Variants in NDFIP1 observed in about 807,000 individuals in gnomAD.
NDFIP1 encodes the protein Nedd4 family interacting protein 1.
Under a neutral mutation model 28.8 loss-of-function variants are expected in NDFIP1, and 7 were observed. The ratio of observed to expected loss-of-function variants is 0.24; its 90% confidence interval spans 0.14 to 0.46. The LOEUF (loss-of-function observed/expected upper bound fraction) is 0.46. Among genes scored for constraint, NDFIP1 ranks in the 20% least tolerant of loss-of-function variants. The pLI is 0.99. For missense variants in NDFIP1, 194 were observed against 269.1 expected, an observed-to-expected ratio of 0.72 and a Z score of 1.95; for synonymous variants, 92 against 101.0, an observed-to-expected ratio of 0.91 and a Z score of 0.53.
chr5:142,142,934 AAAAAAAAT>A lies in NDFIP1; in HGVS notation c.563-1635_563-1628del, dbSNP rs1409829582. On this transcript the variant is annotated intron_variant, in intron 6 of 7. Transcript: ENST00000253814. ...TTCCATCTCAAAAAAAAAAAAAAAA[AAAAAAAAT>A]ATATATATATATATATATATATATA... The A allele has an allele frequency of 4.6e-3, 310 of 68,122 alleles. 1 individual carries two copies. Among genetic ancestry groups the A allele is most frequent in the Middle Eastern group, 0.022 (3 of 136 alleles). The allele number at this position is 68,122 out of a possible 1,614,324, so 4.2% of individuals were successfully genotyped here.
At chr5:142,120,137 G>A (rs979752808) in intron 1 of NDFIP1, among the ~76,000 whole-genome samples, 5 of 152,090 alleles carry the variant, frequency 3.3e-5, no homozygotes, top group Non-Finnish European at 4.4e-5. Context: ...TGTATTTTTA[G>A]TAGAGACGGG....
chr5:142,138,590 A>T (rs541789110), intron 5 of NDFIP1, among the ~76,000 whole-genome samples: 3 of 152,170 alleles, frequency 2.0e-5, no homozygotes, highest in African/African-American at 7.2e-5. Flanking sequence ...TAGTTTTTCT[A>T]CGTAGTGCCA....
chr5:142,126,397 A>C (rs1327534825), intron 1 of NDFIP1, among the ~76,000 whole-genome samples: 1 of 152,224 alleles, frequency 6.6e-6, no homozygotes, highest in Non-Finnish European at 1.5e-5. Context: ...TAACTTAAAG[A>C]AGGGACTTGA....
chr5:142,129,161 C>A (rs1037859137), intron 1 of NDFIP1, among the ~76,000 whole-genome samples: 2 of 152,174 alleles, frequency 1.3e-5, no homozygotes, highest in African/African-American at 4.8e-5. Flanking sequence ...GGAACATATT[C>A]GAAAAGTCTG....
At chr5:142,121,654 G>A (rs1487919908) in intron 1 of NDFIP1, among the ~76,000 whole-genome samples, 1 of 152,048 alleles carries the variant, frequency 6.6e-6, no homozygotes, top group African/African-American at 2.4e-5. Context: ...GTACTGATGG[G>A]GATACCATAC....
At chr5:142,138,824 C>T (rs1373373544) in intron 5 of NDFIP1, among the ~76,000 whole-genome samples, 4 of 151,376 alleles carry the variant, frequency 2.6e-5, no homozygotes, top group Non-Finnish European at 5.9e-5. Flanking sequence ...TTTCGAACTA[C>T]ATTAAACTCT....
chr5:142,113,668 C>T (rs1025282264), intron 1 of NDFIP1, among the ~76,000 whole-genome samples: 7 of 152,164 alleles, frequency 4.6e-5, no homozygotes, highest in African/African-American at 1.2e-4. Flanking sequence ...AGAACTTTGT[C>T]ACCTTGCAGA....
chr5:142,140,598 G>A lies in NDFIP1; in HGVS notation c.531G>A (p.Gln177=). The part of the protein sequence containing the change: ...STYFPGYFDG[Q]YWLWWVFLVL... ...ATTTCCCTGGATATTTTGATGGTCA[G>A]TACTGGCTCTGGTGGGTGTTCCTTG... The change falls in exon 6 of 8, where the codon CAG becomes CAA. Residue 177 remains glutamine, a synonymous_variant. Coordinates refer to ENST00000253814, the MANE Select transcript of NDFIP1 (RefSeq NM_030571.4). The A allele has an allele frequency of 1.2e-6, 2 of 1,613,208 alleles. No individual in the cohort carries two copies. Among genetic ancestry groups the A allele is most frequent in the East Asian group, 2.2e-5 (1 of 44,830 alleles).
In NDFIP1 at chr5:142,139,394, G is replaced by T. The variant is rs114157777; in HGVS notation, c.496-1169G>T. On this transcript the variant is annotated intron_variant, in intron 5 of 7. Coordinates refer to ENST00000253814, the MANE Select transcript of NDFIP1 (RefSeq NM_030571.4). ...CCTGACAAGGTTAGTTAAGTCAGTG[G>T]TTCTTTGACATCATCAAGGACAGCT... Among the ~76,000 whole-genome samples, 317 of 152,116 alleles carry T rather than the reference G, an allele frequency of 2.1e-3. 2 individuals are homozygous for T. The highest frequency in any genetic ancestry group is 0.017 in the South Asian group (84 of 4,812).
chr5:142,130,959 A>T (rs1480249167), intron 1 of NDFIP1, among the ~76,000 whole-genome samples: 1 of 146,432 alleles, frequency 6.8e-6, no homozygotes, highest in African/African-American at 2.5e-5. Flanking sequence ...ATGAAATTTA[A>T]TTTTTTTTTT....
chr5:142,128,348 G>C (rs1387670971), intron 1 of NDFIP1, among the ~76,000 whole-genome samples: 1 of 152,192 alleles, frequency 6.6e-6, no homozygotes, highest in South Asian at 2.1e-4. Context: ...GCACAGAAGG[G>C]TTCCCAGGGG....
chr5:142,150,130 G>A (rs886963368), intron 7 of NDFIP1, among the ~76,000 whole-genome samples: 4 of 148,072 alleles, frequency 2.7e-5, no homozygotes, highest in African/African-American at 1.0e-4. Context: ...GCAGTGAGCC[G>A]AAATTGTGCC....
At chr5:142,117,019 T>G (rs1280950173) in intron 1 of NDFIP1, among the ~76,000 whole-genome samples, 1 of 152,066 alleles carries the variant, frequency 6.6e-6, no homozygotes, top group Non-Finnish European at 1.5e-5. Flanking sequence ...CCCATATGTA[T>G]AATATATTTC....
At chr5:142,130,262 C>G (rs1757213629) in intron 1 of NDFIP1, among the ~76,000 whole-genome samples, 1 of 152,118 alleles carries the variant, frequency 6.6e-6, no homozygotes, top group Admixed American at 6.5e-5. Context: ...ATGAAGATGA[C>G]TTGTGTAGAC....
At chr5:142,150,406 G>A (rs765141982) in intron 7 of NDFIP1, among the ~76,000 whole-genome samples, 2 of 151,678 alleles carry the variant, frequency 1.3e-5, no homozygotes, top group African/African-American at 2.4e-5. Flanking sequence ...AGATGTCCTT[G>A]TATCAGTTTC....
intron 1 of NDFIP1, among the ~76,000 whole-genome samples, chr5:142,119,817 CTTA>C (rs1231043480): frequency 6.6e-6 from 1 of 152,196 alleles, no homozygotes. Context: ...TCATCTTAGA[CTTA>C]TTGTTAAATT....
At chr5:142,135,628 G>A in intron 3 of NDFIP1, 102 bp from the exon 4 acceptor site, 11 of 969,596 alleles carry the variant, frequency 1.1e-5, no homozygotes, top group Non-Finnish European at 1.6e-6. Context: ...ATTTTGAACT[G>A]AACCAAAGCA....
chr5:142,140,021 CAT>C (rs1289085431), intron 5 of NDFIP1, among the ~76,000 whole-genome samples: 1 of 152,138 alleles, frequency 6.6e-6, no homozygotes, highest in Admixed American at 6.5e-5. Flanking sequence ...TAAAAGCTGT[CAT>C]ATTTAACAAT....
chr5:142,144,085 T>C (rs1210564474), intron 6 of NDFIP1: 1 of 152,180 alleles, frequency 6.6e-6, no homozygotes, highest in African/African-American at 2.4e-5. Context: ...AAGGGGATCC[T>C]GACATCTAGT....
Sources: gnomAD v4.1 joint callset for allele counts (sites outside exome capture counted in the v4.1 genomes callset) on GRCh38, gnomAD v4.1.1 for gene constraint, MANE v1.5 for transcripts, NCBI Gene and HGNC (gene_info 2026-07-23, HGNC 2026-07-21) for gene names.